SDK1: variants seen among roughly 807,000 people sequenced by gnomAD.
SDK1 encodes the protein protein sidekick-1.
A neutral mutation model predicts 245.5 loss-of-function variants in SDK1; 157 were observed. That is an observed-to-expected ratio of 0.64 (90% confidence interval 0.56 to 0.73). The LOEUF (loss-of-function observed/expected upper bound fraction) is 0.73, where lower values mean the gene tolerates loss of function less well. SDK1 is among the 30% of genes least tolerant of loss of function. The probability of loss-of-function intolerance (pLI) is 0.00; values close to 1 mark genes in which losing one functional copy is unlikely to be tolerated. For missense variants in SDK1, 3,583 were observed against 3,002.3 expected (o/e 1.19, Z -4.52); for synonymous variants, 1,647 against 1,278.5 (o/e 1.29, Z -6.15).
chr7:3,833,025 G>A (rs1779947597), intron 5 of SDK1, among the ~76,000 whole-genome samples: 1 of 152,058 alleles, frequency 6.6e-6, no homozygotes, highest in African/African-American at 2.4e-5. Context: ...TCATAAAAAT[G>A]TGAGCTGGGA....
At chr7:3,765,597 A>T (rs1003351805) in intron 4 of SDK1, among the ~76,000 whole-genome samples, 5 of 152,162 alleles carry the variant, frequency 3.3e-5, no homozygotes, top group African/African-American at 1.2e-4. Flanking sequence ...AATAGCTTTT[A>T]ATCTTCTACT....
chr7:3,901,706 A>C (rs1321020982), intron 5 of SDK1, among the ~76,000 whole-genome samples: 1 of 152,150 alleles, frequency 6.6e-6, no homozygotes. Flanking sequence ...TTACTCACTC[A>C]CGGGTGACTC....
intron 4 of SDK1, among the ~76,000 whole-genome samples, chr7:3,716,320 A>G (rs967739258): frequency 6.6e-6 from 1 of 152,226 alleles, no homozygotes; most frequent in Admixed American, 6.5e-5. Flanking sequence ...GAATCACAAT[A>G]GACCCTAAGA....
intron 28 of SDK1, among the ~76,000 whole-genome samples, chr7:4,133,376 G>C (rs370954811): frequency 8.5e-5 from 13 of 152,212 alleles, no homozygotes; most frequent in African/African-American, 3.1e-4. Context: ...TATGTACAGT[G>C]GGGGGTGAGG....
At chr7:3,562,049 C>T (rs1779766542) in intron 1 of SDK1, among the ~76,000 whole-genome samples, 1 of 152,214 alleles carries the variant, frequency 6.6e-6, no homozygotes, top group South Asian at 2.1e-4. Flanking sequence ...CAACCCACAG[C>T]TGTGTGTACA....
intron 5 of SDK1, among the ~76,000 whole-genome samples, chr7:3,866,914 C>T (rs1180688444): frequency 6.6e-6 from 1 of 152,132 alleles, no homozygotes; most frequent in Non-Finnish European, 1.5e-5. Flanking sequence ...CACGTGGCCT[C>T]CATCCACAGC....
chr7:3,685,706 C>G (rs1329879925), intron 4 of SDK1, among the ~76,000 whole-genome samples: 1 of 152,080 alleles, frequency 6.6e-6, no homozygotes, highest in African/African-American at 2.4e-5. Flanking sequence ...AAGGTTTCTA[C>G]ACTTCAAAGT....
chr7:3,569,471 G>C (rs796858350), intron 1 of SDK1, among the ~76,000 whole-genome samples: 1 of 152,238 alleles, frequency 6.6e-6, no homozygotes, highest in Non-Finnish European at 1.5e-5. Context: ...CTGGAGGAGA[G>C]CACTGTGATT....
chr7:3,495,338 G>A (rs1207710598), intron 1 of SDK1, among the ~76,000 whole-genome samples: 3 of 142,662 alleles, frequency 2.1e-5, no homozygotes, highest in Non-Finnish European at 4.5e-5. Flanking sequence ...GCTCATTGCA[G>A]CCTCTGCCTC....
chr7:4,105,248 G>A (rs951444059), intron 22 of SDK1, among the ~76,000 whole-genome samples: 4 of 152,052 alleles, frequency 2.6e-5, no homozygotes, highest in African/African-American at 9.7e-5. Flanking sequence ...CTCCCAAAGT[G>A]CTGGGATTAC....
At chr7:3,664,492 A>C (rs912956583) in intron 4 of SDK1, among the ~76,000 whole-genome samples, 1 of 152,164 alleles carries the variant, frequency 6.6e-6, no homozygotes, top group African/African-American at 2.4e-5. Context: ...TAAACCCAGC[A>C]CTTTGGGAGG....
chr7:3,571,164 T>A (rs1780102261), intron 1 of SDK1, among the ~76,000 whole-genome samples: 1 of 152,098 alleles, frequency 6.6e-6, no homozygotes, highest in Admixed American at 6.6e-5. Context: ...GTTGATAATT[T>A]ACTTAAATGT....
At chr7:3,693,398 C>T (rs559349932) in intron 4 of SDK1, among the ~76,000 whole-genome samples, 62 of 152,000 alleles carry the variant, frequency 4.1e-4, no homozygotes, top group Non-Finnish European at 8.1e-4. Flanking sequence ...ATGGACAGTT[C>T]AAAAAACATG....
At chr7:3,415,323 G>A (rs563572418) in intron 1 of SDK1, among the ~76,000 whole-genome samples, 4 of 152,264 alleles carry the variant, frequency 2.6e-5, no homozygotes, top group East Asian at 1.9e-4. Context: ...TAAACAAAAC[G>A]TGTAATACTT....
chr7:3,686,876 T>C lies in SDK1; in HGVS notation c.713+44771T>C, dbSNP rs142741581. Among the ~76,000 whole-genome samples the C allele has an allele frequency of 9.7e-4, 148 of 152,228 alleles. 2 individuals carry two copies. The East Asian group carries it at 0.022, about 23-fold the overall frequency. On this transcript the variant is annotated intron_variant, in intron 4 of 44. Transcript: ENST00000404826. The stretch of plus-strand genomic sequence containing the variant: ...AGTAGGTTCCAGGGCACTGGGGCAG[T>C]CCCTTGTTGTCTGGTGCCTGGCCCT...
chr7:3,410,723 GT>G (rs1386181164), intron 1 of SDK1, among the ~76,000 whole-genome samples: 1 of 151,646 alleles, frequency 6.6e-6, no homozygotes, highest in Non-Finnish European at 1.5e-5. Context: ...AGTAGCTGGG[GT>G]TACAGGCACA....
In SDK1 at chr7:4,262,577, T is replaced by C. The variant is rs536541665; in HGVS notation, c.6382-2547T>C. Among the ~76,000 whole-genome samples the C allele has an allele frequency of 1.9e-3, 292 of 151,702 alleles. 1 individual carries two copies. Among genetic ancestry groups the C allele is most frequent in the African/African-American group, 6.7e-3 (277 of 41,330 alleles). On this transcript the variant is annotated intron_variant, in intron 44 of 44. Transcript: ENST00000404826. The stretch of plus-strand genomic sequence containing the variant: ...TTCAGTACCTGGCCGGGGAGACATA[T>C]TAGACACCCTGGCTTATTCAGGCAG...
chr7:3,863,448 A>C (rs1780745145), intron 5 of SDK1, among the ~76,000 whole-genome samples: 1 of 152,280 alleles, frequency 6.6e-6, no homozygotes, highest in African/African-American at 2.4e-5. Context: ...TTACCATTTT[A>C]ACTATGTTTG....
intron 25 of SDK1, among the ~76,000 whole-genome samples, chr7:4,118,728 A>G (rs57888190): frequency 0.11 from 16,280 of 148,900 alleles, 2,347 homozygotes; most frequent in African/African-American, 0.22. Flanking sequence ...TATGCATTCA[A>G]TGGATGATTC....
Sources: allele counts gnomAD v4.1 joint callset (sites outside exome capture counted in the v4.1 genomes callset), GRCh38; gene constraint gnomAD v4.1.1; transcripts MANE v1.5; gene names NCBI Gene and HGNC (gene_info 2026-07-23, HGNC 2026-07-21).